PDE1C: variants seen among roughly 807,000 people sequenced by gnomAD.
PDE1C encodes the protein phosphodiesterase 1C, also known as dual specificity calcium/calmodulin-dependent 3',5'-cyclic nucleotide phosphodiesterase 1C.
In PDE1C, 62 loss-of-function variants were observed where a neutral mutation model predicts 93.1. The ratio of observed to expected loss-of-function variants is 0.67; its 90% CI spans 0.54 to 0.82. The LOEUF (loss-of-function observed/expected upper bound fraction) is 0.82, where lower values mean the gene tolerates loss of function less well. PDE1C is among the 40% of genes least tolerant of loss of function. PDE1C has a pLI of 0.00. For synonymous variants in PDE1C, 325 were observed against 310.1 expected (o/e 1.05, Z -0.50); for missense variants, 742 against 884.6 (o/e 0.84, Z 2.04).
intron 2 of PDE1C, among the ~76,000 whole-genome samples, chr7:32,183,868 T>C (rs1034885053): frequency 2.5e-4 from 38 of 152,168 alleles, no homozygotes; most frequent in Middle Eastern, 3.4e-3. Context: ...ACAGGCAACC[T>C]ACAAAATGGG....
At chr7:31,921,769 C>T (rs1802652738) in intron 2 of PDE1C, among the ~76,000 whole-genome samples, 1 of 152,086 alleles carries the variant, frequency 6.6e-6, no homozygotes, top group Non-Finnish European at 1.5e-5. Flanking sequence ...AAATTGCTTA[C>T]TTTTAATTTT....
At chr7:31,733,816 C>T in the PDE1C span, among the ~76,000 whole-genome samples, 5 of 152,044 alleles carry the variant, frequency 3.3e-5, no homozygotes, top group East Asian at 3.9e-4. Flanking sequence ...GCCAACAGGG[C>T]GAAACCCTGT....
intron 1 of PDE1C, among the ~76,000 whole-genome samples, chr7:32,383,722 C>A (rs1784574223): frequency 6.6e-6 from 1 of 152,088 alleles, no homozygotes; most frequent in Admixed American, 6.5e-5. Flanking sequence ...GACTGATTCA[C>A]CCATTCATTC....
intron 2 of PDE1C, among the ~76,000 whole-genome samples, chr7:32,187,045 TTTAG>T (rs1324183664): frequency 6.6e-6 from 1 of 152,220 alleles, no homozygotes; most frequent in Non-Finnish European, 1.5e-5. Context: ...CATTTTTGGT[TTTAG>T]TTTTTCCTCT....
intron 3 of PDE1C, among the ~76,000 whole-genome samples, chr7:32,116,392 G>A (rs551382285): frequency 8.6e-5 from 13 of 152,040 alleles, no homozygotes; most frequent in Admixed American, 3.9e-4. Context: ...TGCTATTCTC[G>A]GGGGAATAGG....
At position 31,967,755 on chromosome 7, in the gene PDE1C, C is replaced by T. The variant is rs557319236; in HGVS notation, c.128+83799G>A. Among the ~76,000 whole-genome samples the T allele has an allele frequency of 3.3e-5, 5 of 152,284 alleles. No homozygotes were observed. The East Asian group carries it at 9.6e-4, about 29-fold the overall frequency. On this transcript the variant is annotated intron_variant, in intron 2 of 17. Coordinates refer to ENST00000396191, the MANE Select transcript of PDE1C (RefSeq NM_001191057.4). ...TCCAGCAGCACATCAAAAAGCTTAT[C>T]CACCATGATCAAGTGGGCTTCATCC...
At chr7:32,246,745 T>C (rs1431861083) in intron 1 of PDE1C, among the ~76,000 whole-genome samples, 1 of 152,248 alleles carries the variant, frequency 6.6e-6, no homozygotes, top group East Asian at 1.9e-4. Context: ...ACCTCAGCTA[T>C]GTTTCCTCGG....
At chr7:31,881,142 C>A (rs1457437214) in intron 2 of PDE1C, among the ~76,000 whole-genome samples, 1 of 152,106 alleles carries the variant, frequency 6.6e-6, no homozygotes, top group Non-Finnish European at 1.5e-5. Flanking sequence ...TTTGCTTTTT[C>A]TCAAATTTTC....
At chr7:32,206,891 C>G (rs181676772) in intron 2 of PDE1C, among the ~76,000 whole-genome samples, 2 of 152,340 alleles carry the variant, frequency 1.3e-5, no homozygotes, top group African/African-American at 4.8e-5. Flanking sequence ...CTTCACTGTC[C>G]TGGACACTGT....
intron 2 of PDE1C, among the ~76,000 whole-genome samples, chr7:31,932,531 G>C (rs1804461417): frequency 6.6e-6 from 1 of 152,188 alleles, no homozygotes; most frequent in African/African-American, 2.4e-5. Context: ...TCTCATACCA[G>C]TTAGAATGGT....
chr7:32,205,744 C>A (rs531691550), intron 2 of PDE1C, among the ~76,000 whole-genome samples: 2 of 152,180 alleles, frequency 1.3e-5, no homozygotes, highest in East Asian at 3.9e-4. Context: ...AGTTTCACTC[C>A]TGAAGCCAGC....
At chr7:31,904,118 C>T (rs2041516) in intron 2 of PDE1C, among the ~76,000 whole-genome samples, 1 of 151,954 alleles carries the variant, frequency 6.6e-6, no homozygotes, top group Admixed American at 6.6e-5. Context: ...GGTTTCATGA[C>T]TAATCATCCT....
rs1449609103 is a variant in PDE1C at position 31,803,017 on chromosome 7, G to A, written c.1891+6014C>T. Among the ~76,000 whole-genome samples the A allele has an allele frequency of 2.0e-5, 3 of 151,760 alleles. No homozygotes were observed. The East Asian group carries it at 5.9e-4, about 30-fold the overall frequency. On this transcript the variant is annotated intron_variant, in intron 16 of 17. Transcript: ENST00000396191. ...ATTTTTCCTCCTCTCTCCTCTACCT[G>A]GGGATTCCAAGTACACATTTATTAG...
At chr7:31,841,225 C>CTATATATATATATATA (rs1245444243) in intron 9 of PDE1C, among the ~76,000 whole-genome samples, 1 of 89,608 alleles carries the variant, frequency 1.1e-5, no homozygotes, top group African/African-American at 5.0e-5. Context: ...CTCTCTCTCT[C>CTATATATATATATATA]TCTATATATA....
chr7:32,335,510 G>A (rs1783601225), intron 1 of PDE1C, among the ~76,000 whole-genome samples: 2 of 152,146 alleles, frequency 1.3e-5, no homozygotes. Context: ...AGTTCAAGAT[G>A]ATCAAAGTGT....
chr7:31,958,466 T>A (rs1442736081), intron 2 of PDE1C, among the ~76,000 whole-genome samples: 2 of 152,236 alleles, frequency 1.3e-5, no homozygotes, highest in African/African-American at 4.8e-5. Flanking sequence ...TATGACTAAT[T>A]CTTTTGCAAA....
chr7:32,215,863 C>A (rs1388941200), intron 1 of PDE1C, among the ~76,000 whole-genome samples: 4 of 152,230 alleles, frequency 2.6e-5, no homozygotes, highest in Non-Finnish European at 4.4e-5. Flanking sequence ...CAGTGAGCAG[C>A]AGACCCAGAG....
intron 2 of PDE1C, among the ~76,000 whole-genome samples, chr7:31,959,239 C>G (rs1375506888): frequency 1.3e-5 from 2 of 152,106 alleles, no homozygotes; most frequent in African/African-American, 2.4e-5. Flanking sequence ...GAGACACAGT[C>G]TCACTCTGTT....
chr7:31,942,304 A>G (rs1279234200), intron 2 of PDE1C, among the ~76,000 whole-genome samples: 1 of 152,140 alleles, frequency 6.6e-6, no homozygotes. Flanking sequence ...CAGGAAAAGT[A>G]TCAGTTTCAG....
Sources: allele counts gnomAD v4.1 joint callset (sites outside exome capture counted in the v4.1 genomes callset), GRCh38; gene constraint gnomAD v4.1.1; transcripts MANE v1.5; gene names NCBI Gene and HGNC (gene_info 2026-07-23, HGNC 2026-07-21).